The following KCNJ6 variants were observed in gnomAD, a reference collection of about 807,000 sequenced individuals.
The protein encoded by KCNJ6 is potassium inwardly rectifying channel subfamily J member 6.
Under a neutral mutation model 34.2 loss-of-function variants are expected in KCNJ6, and 9 were observed. The observed-to-expected ratio is 0.26, with a 90% confidence interval of 0.16 to 0.46. The LOEUF (loss-of-function observed/expected upper bound fraction) is 0.46. KCNJ6 is among the 20% of genes least tolerant of loss of function. The pLI, the probability that KCNJ6 is intolerant of heterozygous loss-of-function variation, is 1.00. For synonymous variants in KCNJ6, 196 were observed against 207.1 expected, an observed-to-expected ratio of 0.95 and a Z score of 0.46; for missense variants, 236 against 531.3, an observed-to-expected ratio of 0.44 and a Z score of 5.46.
intron 1 of KCNJ6, among the ~76,000 whole-genome samples, chr21:37,891,477 G>A (rs1160381933): frequency 1.3e-5 from 2 of 152,094 alleles, no homozygotes; most frequent in Non-Finnish European, 2.9e-5. Flanking sequence ...GAATGGTTCC[G>A]ACTAGCTAGA....
intron 1 of KCNJ6, among the ~76,000 whole-genome samples, chr21:37,913,585 T>G (rs1458311488): frequency 6.6e-6 from 1 of 152,184 alleles, no homozygotes; most frequent in Non-Finnish European, 1.5e-5. Context: ...TCTGGGAGGC[T>G]GAGGCAGGCG....
intron 2 of KCNJ6, among the ~76,000 whole-genome samples, chr21:37,797,532 A>G (rs2055249353): frequency 6.6e-6 from 1 of 152,212 alleles, no homozygotes; most frequent in Non-Finnish European, 1.5e-5. Flanking sequence ...TGACAGAATT[A>G]TAACACCAAT....
At chr21:37,823,168 G>T (rs1004589903) in intron 2 of KCNJ6, among the ~76,000 whole-genome samples, 6 of 152,228 alleles carry the variant, frequency 3.9e-5, no homozygotes, top group African/African-American at 1.4e-4. Flanking sequence ...TGCCGAACCA[G>T]CCCCCACGGC....
intron 3 of KCNJ6, among the ~76,000 whole-genome samples, chr21:37,696,792 T>C (rs1408832854): frequency 6.6e-6 from 1 of 152,240 alleles, no homozygotes; most frequent in African/African-American, 2.4e-5. Context: ...TACTTTCAAA[T>C]GATTAAAAAA....
Position 37,776,058 on chromosome 21 carries a change from G to A in KCNJ6, c.26-60927C>T, listed in dbSNP as rs1474630139. On this transcript the variant is annotated intron_variant, in intron 2 of 3. Transcript: ENST00000609713. ...GTGGTTTGTAGTTCTCCTTGAAGAGGTCCTTCACATCCCTTGTAAGCTGGA... is the reference window on the plus strand; with the variant it reads ...GTGGTTTGTAGTTCTCCTTGAAGAGATCCTTCACATCCCTTGTAAGCTGGA... Among the ~76,000 whole-genome samples, 6 of 151,910 alleles carry A rather than the reference G, an allele frequency of 3.9e-5. No homozygotes were observed. The East Asian group carries it at 9.6e-4, about 24-fold the overall frequency.
intron 3 of KCNJ6, among the ~76,000 whole-genome samples, chr21:37,692,803 T>C (rs1456530306): frequency 1.3e-5 from 2 of 152,220 alleles, no homozygotes; most frequent in Admixed American, 6.5e-5. Flanking sequence ...CAAGGAACCA[T>C]TGATTTAGCC....
intron 2 of KCNJ6, among the ~76,000 whole-genome samples, chr21:37,795,410 A>G (rs1182644635): frequency 2.6e-5 from 4 of 152,100 alleles, no homozygotes; most frequent in African/African-American, 7.2e-5. Context: ...TTTAAGAAAG[A>G]TATGGGATTT....
At chr21:37,625,506 C>A (rs1436557176) in intron 3 of KCNJ6, 22 bp from the exon 4 acceptor site, 1 of 1,580,378 alleles carries the variant, frequency 6.3e-7, no homozygotes, top group South Asian at 1.1e-5. Context: ...AGAATGGAGG[C>A]TTTAGCATAT....
At chr21:37,883,983 C>T (rs969606149) in intron 1 of KCNJ6, among the ~76,000 whole-genome samples, 18 of 152,172 alleles carry the variant, frequency 1.2e-4, no homozygotes, top group African/African-American at 3.9e-4. Context: ...CATGAATGCT[C>T]GTCCACTCAC....
intron 1 of KCNJ6, among the ~76,000 whole-genome samples, chr21:37,844,224 A>G (rs1051077620): frequency 6.6e-6 from 1 of 151,922 alleles, no homozygotes; most frequent in Non-Finnish European, 1.5e-5. Context: ...ACGCCCAGCT[A>G]ATTTTTGTGT....
chr21:37,821,510 A>G (rs2055372984), intron 2 of KCNJ6, among the ~76,000 whole-genome samples: 1 of 152,142 alleles, frequency 6.6e-6, no homozygotes, highest in Admixed American at 6.5e-5. Context: ...TAAGCCCCAC[A>G]TGCATTAGCT....
intron 3 of KCNJ6, among the ~76,000 whole-genome samples, chr21:37,661,548 A>G (rs1160767271): frequency 2.0e-5 from 3 of 151,252 alleles, no homozygotes; most frequent in Non-Finnish European, 4.4e-5. Context: ...ACTACCAGTA[A>G]GTCATATTAA....
At chr21:37,897,003 T>C (rs919650412) in intron 1 of KCNJ6, among the ~76,000 whole-genome samples, 1 of 152,206 alleles carries the variant, frequency 6.6e-6, no homozygotes, top group African/African-American at 2.4e-5. Context: ...CCGGGGCTCC[T>C]GCCAGAGCCA....
At chr21:37,875,770 G>T (rs1383034324) in intron 1 of KCNJ6, among the ~76,000 whole-genome samples, 1 of 152,202 alleles carries the variant, frequency 6.6e-6, no homozygotes, top group Non-Finnish European at 1.5e-5. Flanking sequence ...CCGGCCTCCA[G>T]AAAATGGAAC....
At chr21:37,739,277 T>G (rs1177054509) in intron 2 of KCNJ6, among the ~76,000 whole-genome samples, 1 of 152,214 alleles carries the variant, frequency 6.6e-6, no homozygotes, top group Non-Finnish European at 1.5e-5. Flanking sequence ...GAATTTAAGA[T>G]TATGCAGGTG....
In KCNJ6 at chr21:37,655,179, TTGTGTGTGTGTG is replaced by T. The variant is rs369378573; in HGVS notation, c.947-29707_947-29696del. ...TACACTGCCTTCACACTCTAGACATTTGTGTGTGTGTGTGTGTGTGTGTGTGTGTGTGTGTGT... is the reference window on the plus strand; with the variant it reads ...TACACTGCCTTCACACTCTAGACATTTGTGTGTGTGTGTGTGTGTGTGTGT... On this transcript the variant is annotated intron_variant, in intron 3 of 3. Transcript: ENST00000609713. 7.8e-3 allele frequency among the ~76,000 whole-genome samples: 186 copies of T among 23,922 alleles called. 3 individuals are homozygous for T. The highest frequency in any genetic ancestry group is 0.014 in the East Asian group (9 of 638). 15.7% of individuals were successfully genotyped at this position (23,922 alleles called of 152,430 possible).
At chr21:37,798,458 A>G (rs1401229140) in intron 2 of KCNJ6, among the ~76,000 whole-genome samples, 1 of 152,208 alleles carries the variant, frequency 6.6e-6, no homozygotes. Flanking sequence ...GAAAGAAAAC[A>G]TATGCTCACA....
At chr21:37,772,536 C>T (rs1235723299) in intron 2 of KCNJ6, among the ~76,000 whole-genome samples, 2 of 152,116 alleles carry the variant, frequency 1.3e-5, no homozygotes, top group Non-Finnish European at 2.9e-5. Context: ...TAAAGCAATG[C>T]TGTAACATTA....
intron 2 of KCNJ6, among the ~76,000 whole-genome samples, chr21:37,809,569 T>C (rs1230690138): frequency 6.6e-6 from 1 of 152,146 alleles, no homozygotes; most frequent in East Asian, 1.9e-4. Flanking sequence ...GAAAGGAAAT[T>C]TGCTGTAATT....
Sources: gnomAD v4.1 joint callset for allele counts (sites outside exome capture counted in the v4.1 genomes callset) on GRCh38, gnomAD v4.1.1 for gene constraint, MANE v1.5 for transcripts, NCBI Gene and HGNC (gene_info 2026-07-23, HGNC 2026-07-21) for gene names.